LRBA: variants seen among roughly 807,000 people sequenced by gnomAD.
LRBA encodes the protein LPS responsive beige-like anchor protein.
In LRBA, 176 loss-of-function variants were observed where a neutral mutation model predicts 330.0. The observed-to-expected ratio is 0.53, with a 90% CI of 0.47 to 0.60. LRBA has a LOEUF of 0.60. Ranked by LOEUF, LRBA falls within the 20% of genes least tolerant of loss-of-function variation. The pLI, the probability that LRBA is intolerant of heterozygous loss-of-function variation, is 0.00. For missense variants in LRBA, 3,259 were observed against 3,444.8 expected, an observed-to-expected ratio of 0.95 and a Z score of 1.35; for synonymous variants, 1,230 against 1,193.0, an observed-to-expected ratio of 1.03 and a Z score of -0.64.
chr4:150,882,416 C>T (rs1245870212), intron 17 of LRBA, among the ~76,000 whole-genome samples: 10 of 152,002 alleles, frequency 6.6e-5, no homozygotes, highest in Non-Finnish European at 1.0e-4. Flanking sequence ...TCCTGTAGTG[C>T]TTCAATGAAA....
chr4:150,496,017 AGAGAG>A (rs1254567892), intron 40 of LRBA, among the ~76,000 whole-genome samples: 1 of 152,184 alleles, frequency 6.6e-6, no homozygotes, highest in African/African-American at 2.4e-5. Flanking sequence ...ACAGTGTGTT[AGAGAG>A]GAGAGAAAGG....
intron 31 of LRBA, among the ~76,000 whole-genome samples, chr4:150,815,878 C>T (rs1465551251): frequency 1.3e-5 from 2 of 151,716 alleles, no homozygotes; most frequent in South Asian, 2.1e-4. Context: ...TTTTACTTAA[C>T]CTACTGGAAC....
chr4:150,438,238 T>C (rs1420517677), intron 44 of LRBA, among the ~76,000 whole-genome samples: 1 of 152,116 alleles, frequency 6.6e-6, no homozygotes, highest in Non-Finnish European at 1.5e-5. Flanking sequence ...ATCCCAGTGC[T>C]CTGGGAGGTC....
At chr4:150,519,067 A>G (rs1229363156) in intron 40 of LRBA, among the ~76,000 whole-genome samples, 2 of 152,112 alleles carry the variant, frequency 1.3e-5, no homozygotes, top group African/African-American at 2.4e-5. Context: ...TACTTCATTC[A>G]TAATTCATAT....
chr4:150,647,352 CTTTTTTT>C (rs769403201), intron 37 of LRBA, among the ~76,000 whole-genome samples: 1 of 79,798 alleles, frequency 1.3e-5, no homozygotes, highest in African/African-American at 5.0e-5. Context: ...ATTACTTTTT[CTTTTTTT>C]TTTTTTTTTT....
chr4:150,456,828 T>TTTTGA (rs1191856813), intron 44 of LRBA, among the ~76,000 whole-genome samples: 7 of 152,122 alleles, frequency 4.6e-5, no homozygotes, highest in Non-Finnish European at 1.0e-4. Context: ...CTTTAATTCA[T>TTTTGA]TTTGATTTGA....
chr4:150,388,479 C>T (rs1743402329), intron 47 of LRBA, among the ~76,000 whole-genome samples: 1 of 152,146 alleles, frequency 6.6e-6, no homozygotes, highest in African/African-American at 2.4e-5. Flanking sequence ...TCATCTAACT[C>T]AGACATGGGT....
intron 36 of LRBA, among the ~76,000 whole-genome samples, chr4:150,713,405 A>G (rs1786428558): frequency 6.6e-6 from 1 of 152,196 alleles, no homozygotes; most frequent in Non-Finnish European, 1.5e-5. Flanking sequence ...TCCTATGTTC[A>G]GGAGGCAACA....
intron 44 of LRBA, among the ~76,000 whole-genome samples, chr4:150,461,547 A>G (rs1292171738): frequency 6.6e-6 from 1 of 151,748 alleles, no homozygotes; most frequent in Admixed American, 6.6e-5. Context: ...GCCTCTGTAA[A>G]AAACAATAAT....
At chr4:150,703,690 T>G (rs1207313172) in intron 36 of LRBA, among the ~76,000 whole-genome samples, 7 of 152,174 alleles carry the variant, frequency 4.6e-5, no homozygotes, top group Non-Finnish European at 1.0e-4. Flanking sequence ...CTTTAACGAT[T>G]TCTCCTACAT....
intron 2 of LRBA, among the ~76,000 whole-genome samples, chr4:151,001,550 C>T (rs997899635): frequency 6.6e-6 from 1 of 152,104 alleles, no homozygotes; most frequent in South Asian, 2.1e-4. Context: ...CTACCCCCCA[C>T]CTGCCGCTAC....
At chr4:150,920,854 G>A (rs368937782) in intron 5 of LRBA, among the ~76,000 whole-genome samples, 16 of 152,110 alleles carry the variant, frequency 1.1e-4, no homozygotes, top group African/African-American at 3.6e-4. Context: ...AAGACAGGTA[G>A]AGTAATGAAA....
intron 37 of LRBA, among the ~76,000 whole-genome samples, chr4:150,613,360 G>A (rs1160193017): frequency 2.6e-5 from 4 of 152,202 alleles, no homozygotes; most frequent in African/African-American, 4.8e-5. Flanking sequence ...TCTTAGAAGT[G>A]AGTAATCCAC....
intron 40 of LRBA, among the ~76,000 whole-genome samples, chr4:150,514,700 A>T (rs1287733193): frequency 1.3e-5 from 2 of 152,218 alleles, no homozygotes; most frequent in Non-Finnish European, 2.9e-5. Flanking sequence ...GAGACAGGAC[A>T]TATAAATGTT....
intron 37 of LRBA, among the ~76,000 whole-genome samples, chr4:150,625,361 A>G (rs1294843380): frequency 6.6e-6 from 1 of 152,228 alleles, no homozygotes; most frequent in Non-Finnish European, 1.5e-5. Flanking sequence ...GATAAAATAA[A>G]GCCGTATCTT....
chr4:150,788,772 A>G (rs1054349750), intron 34 of LRBA, among the ~76,000 whole-genome samples: 25 of 148,782 alleles, frequency 1.7e-4, no homozygotes, highest in African/African-American at 6.2e-4. Context: ...AAAAAAAAAA[A>G]AAAAGAAAAT....
At chr4:150,501,625 A>G (rs1252850799) in intron 40 of LRBA, among the ~76,000 whole-genome samples, 1 of 152,086 alleles carries the variant, frequency 6.6e-6, no homozygotes, top group Non-Finnish European at 1.5e-5. Context: ...GGTATCTACA[A>G]TCTAAGATTC....
intron 40 of LRBA, among the ~76,000 whole-genome samples, chr4:150,555,306 C>T (rs1767150590): frequency 1.3e-5 from 2 of 152,178 alleles, no homozygotes; most frequent in Admixed American, 1.3e-4. Context: ...ACTTAAAACA[C>T]AGTAGACCTT....
intron 36 of LRBA, among the ~76,000 whole-genome samples, chr4:150,722,845 T>C (rs998742293): frequency 6.6e-6 from 1 of 152,064 alleles, no homozygotes; most frequent in African/African-American, 2.4e-5. Flanking sequence ...TGATGCCACC[T>C]CTGCCCCATC....
Sources: gnomAD v4.1 joint callset for allele counts (sites outside exome capture counted in the v4.1 genomes callset) on GRCh38, gnomAD v4.1.1 for gene constraint, MANE v1.5 for transcripts, NCBI Gene and HGNC (gene_info 2026-07-23, HGNC 2026-07-21) for gene names.